The following ZNF536 variants were observed in gnomAD, a reference collection of about 807,000 sequenced individuals.
The protein encoded by ZNF536 is zinc finger protein 536.
Under a neutral mutation model 84.5 loss-of-function variants are expected in ZNF536, and 13 were observed. The ratio of observed to expected loss-of-function variants is 0.15; its 90% CI spans 0.10 to 0.24. The LOEUF is 0.24. Ranked by LOEUF, ZNF536 falls within the 10% of genes least tolerant of loss-of-function variation. The pLI is 1.00. For synonymous variants in ZNF536, 811 were observed against 742.5 expected (o/e 1.09, Z -1.50); for missense variants, 1,536 against 1,747.5 (o/e 0.88, Z 2.16).
intron 1 of ZNF536, among the ~76,000 whole-genome samples, chr19:30,677,050 T>C (rs1033389579): frequency 2.0e-5 from 3 of 152,206 alleles, no homozygotes; most frequent in Non-Finnish European, 4.4e-5. Flanking sequence ...AGAAATGGCG[T>C]GATGCCTTTT....
chr19:30,287,071 G>A (rs1378678245), intron 2 of ZNF536, among the ~76,000 whole-genome samples: 1 of 152,182 alleles, frequency 6.6e-6, no homozygotes, highest in Non-Finnish European at 1.5e-5. Flanking sequence ...CTCCTACTGC[G>A]ACGTAAGAGT....
chr19:30,434,718 A>C lies in ZNF536; in HGVS notation c.-2-8843A>C, dbSNP rs117118329. On this transcript the variant is annotated intron_variant, in intron 1 of 4. Transcript: ENST00000355537. ...GAGGATCCTGTTAATGTACATAGTG[A>C]TGGTGGTGGCCATGATAGTGATGAT... Among the ~76,000 whole-genome samples, 1,101 of 152,230 alleles carry C rather than the reference A, an allele frequency of 7.2e-3. 39 individuals carry two copies. The highest frequency in any genetic ancestry group is 0.062 in the East Asian group (322 of 5,168).
At chr19:30,672,425 G>A (rs755693422) in intron 1 of ZNF536, among the ~76,000 whole-genome samples, 19 of 152,246 alleles carry the variant, frequency 1.2e-4, no homozygotes, top group Non-Finnish European at 2.8e-4. Flanking sequence ...CAGATGCTAA[G>A]AGGGCTTTGA....
chr19:30,625,948 G>A (rs1271512298), intron 1 of ZNF536, among the ~76,000 whole-genome samples: 5 of 152,136 alleles, frequency 3.3e-5, no homozygotes, highest in Admixed American at 2.6e-4. Flanking sequence ...CGGTGGCAGT[G>A]GCTAAAATAT....
At chr19:30,564,192 G>A (rs1024386769) in intron 1 of ZNF536, among the ~76,000 whole-genome samples, 2 of 152,126 alleles carry the variant, frequency 1.3e-5, no homozygotes, top group Non-Finnish European at 2.9e-5. Flanking sequence ...TGAAAGAGTC[G>A]GGTGTGTTGG....
intron 4 of ZNF536, among the ~76,000 whole-genome samples, chr19:30,549,779 A>T (rs2146265848): frequency 6.6e-6 from 1 of 152,350 alleles, no homozygotes. Flanking sequence ...GTGGTCGCTC[A>T]CCATGTGAAC....
chr19:30,430,407 CG>C lies in ZNF536; in HGVS notation c.-2-13153del, dbSNP rs1285669582. 1.6e-4 allele frequency among the ~76,000 whole-genome samples: 25 copies of C among 152,184 alleles called. 1 individual carries two copies. In the East Asian group the frequency reaches 4.8e-3, roughly 29 times the overall value. On this transcript the variant is annotated intron_variant, in intron 1 of 4. Coordinates refer to ENST00000355537, the MANE Select transcript of ZNF536 (RefSeq NM_014717.3). ...GTGCTGGGGGGGACCCTGGTGAAGC[CG>C]ATGGTCACAGTGTGGCCCTCATGGG...
Position 30,647,685 on chromosome 19 carries a change from G to A in ZNF536, c.170-63072G>A, listed in dbSNP as rs1348375919. Among the ~76,000 whole-genome samples the A allele has an allele frequency of 3.3e-5, 5 of 152,136 alleles. No individual in the cohort carries two copies. In the East Asian group the frequency reaches 7.7e-4, roughly 23 times the overall value. ...ATGCCTCCTTGTGTTTTTTAAAAGA[G>A]CATTATAAACCCAGTTCCAGCACCT... On this transcript the variant is annotated intron_variant, in intron 1 of 1. Coordinates refer to the ZNF536 transcript ENST00000592773.
intron 1 of ZNF536, among the ~76,000 whole-genome samples, chr19:30,584,521 A>G (rs1411771739): frequency 6.6e-6 from 1 of 152,200 alleles, no homozygotes; most frequent in East Asian, 1.9e-4. Context: ...ATGGATATAT[A>G]TCTATGCAAA....
At chr19:30,460,461 G>C (rs1456383521) in intron 2 of ZNF536, among the ~76,000 whole-genome samples, 3 of 152,128 alleles carry the variant, frequency 2.0e-5, no homozygotes, top group African/African-American at 7.2e-5. Flanking sequence ...AGGTGGTTTG[G>C]AGTCTGCACA....
intron 1 of ZNF536, among the ~76,000 whole-genome samples, chr19:30,281,078 C>T (rs1318550127): frequency 2.0e-5 from 3 of 152,134 alleles, no homozygotes; most frequent in East Asian, 1.9e-4. Context: ...CTTCCACTTC[C>T]TCGCTTGGTT....
At chr19:30,310,711 G>A (rs547794294) in intron 2 of ZNF536, among the ~76,000 whole-genome samples, 1 of 152,308 alleles carries the variant, frequency 6.6e-6, no homozygotes, top group South Asian at 2.1e-4. Context: ...ACCGCTCCTC[G>A]GAGCCAGCTT....
chr19:30,426,435 G>A (rs2051216919), intron 1 of ZNF536, among the ~76,000 whole-genome samples: 1 of 152,148 alleles, frequency 6.6e-6, no homozygotes, highest in Non-Finnish European at 1.5e-5. Context: ...TTTTATATGG[G>A]GGAAGGTTTT....
chr19:30,537,563 C>T (rs372596924), intron 3 of ZNF536, among the ~76,000 whole-genome samples: 15 of 150,580 alleles, frequency 1.0e-4, no homozygotes, highest in African/African-American at 3.0e-4. Context: ...CTAACCCTGT[C>T]GGCCCAAGAC....
intron 1 of ZNF536, among the ~76,000 whole-genome samples, chr19:30,654,459 C>T (rs2049829148): frequency 6.6e-6 from 1 of 151,648 alleles, no homozygotes; most frequent in African/African-American, 2.4e-5. Context: ...TGGTGGGTTG[C>T]ATTGGAGTCA....
intron 1 of ZNF536, among the ~76,000 whole-genome samples, chr19:30,702,879 C>T (rs2052045813): frequency 6.6e-6 from 1 of 152,314 alleles, no homozygotes; most frequent in African/African-American, 2.4e-5. Flanking sequence ...TAACAACAAT[C>T]ATCAAAAAAC....
chr19:30,263,720 G>A (rs1480776593), intron 1 of ZNF536, among the ~76,000 whole-genome samples: 3 of 152,014 alleles, frequency 2.0e-5, no homozygotes, highest in Non-Finnish European at 2.9e-5. Context: ...GTGTGCACGC[G>A]TGTGTGTATT....
chr19:30,659,353 C>T (rs1367580760), intron 1 of ZNF536, among the ~76,000 whole-genome samples: 1 of 152,000 alleles, frequency 6.6e-6, no homozygotes, highest in East Asian at 1.9e-4. Context: ...ATCTCGTGAG[C>T]ACTCACTCTT....
At chr19:30,245,391 C>T (rs2024199695) in intron 1 of ZNF536, among the ~76,000 whole-genome samples, 1 of 152,236 alleles carries the variant, frequency 6.6e-6, no homozygotes, top group Non-Finnish European at 1.5e-5. Flanking sequence ...GGGCCCCTAA[C>T]AGTCTCCTGA....
Sources: allele counts gnomAD v4.1 joint callset (sites outside exome capture counted in the v4.1 genomes callset), GRCh38; gene constraint gnomAD v4.1.1; transcripts MANE v1.5; gene names NCBI Gene and HGNC (gene_info 2026-07-23, HGNC 2026-07-21).